Variants in SCHIP1 observed in about 807,000 individuals in gnomAD.
The protein encoded by SCHIP1 is schwannomin-interacting protein 1.
Under a neutral mutation model 29.7 loss-of-function variants are expected in SCHIP1, and 8 were observed. The ratio of observed to expected loss-of-function variants is 0.27; its 90% confidence interval spans 0.16 to 0.49. SCHIP1 has a LOEUF of 0.49. SCHIP1 is among the 20% of genes least tolerant of loss of function. The pLI, the probability that SCHIP1 is intolerant of heterozygous loss-of-function variation, is 0.99. For synonymous variants in SCHIP1, 76 were observed against 94.9 expected (o/e 0.80, Z 1.16); for missense variants, 193 against 294.6 (o/e 0.66, Z 2.52).
At chr3:159,423,055 T>C in the SCHIP1 span, among the ~76,000 whole-genome samples, 30 of 152,246 alleles carry the variant, frequency 2.0e-4, no homozygotes, top group African/African-American at 7.2e-4. Flanking sequence ...GAGTAAAGAA[T>C]ATGTCATGGC....
chr3:159,455,764 G>A, the SCHIP1 span, among the ~76,000 whole-genome samples: 2 of 152,216 alleles, frequency 1.3e-5, no homozygotes, highest in African/African-American at 2.4e-5. Flanking sequence ...AGGCAGGGTT[G>A]AGAGGCCAGG....
At chr3:159,780,970 G>A in the SCHIP1 span, among the ~76,000 whole-genome samples, 1 of 152,194 alleles carries the variant, frequency 6.6e-6, no homozygotes. Context: ...GTTATCAGCA[G>A]CTCCAGGAAT....
the SCHIP1 span, among the ~76,000 whole-genome samples, chr3:159,339,147 A>G: frequency 2.0e-5 from 3 of 151,992 alleles, no homozygotes; most frequent in Non-Finnish European, 4.4e-5. Flanking sequence ...GTGCATGGCT[A>G]TTCCATCAAA....
chr3:159,733,397 TAGA>T, the SCHIP1 span, among the ~76,000 whole-genome samples: 3 of 152,184 alleles, frequency 2.0e-5, no homozygotes, highest in Admixed American at 6.5e-5. Context: ...GGGTGTAGTA[TAGA>T]AGGAGAAACA....
chr3:159,741,148 G>A, the SCHIP1 span, among the ~76,000 whole-genome samples: 1 of 152,100 alleles, frequency 6.6e-6, no homozygotes, highest in Non-Finnish European at 1.5e-5. Context: ...ACACTCATTA[G>A]ATGTTCAATA....
At chr3:159,409,295 A>G in the SCHIP1 span, among the ~76,000 whole-genome samples, 3 of 151,830 alleles carry the variant, frequency 2.0e-5, no homozygotes, top group African/African-American at 7.2e-5. Context: ...TAGAGCAATC[A>G]GACAATAGAA....
chr3:159,658,279 A>G, the SCHIP1 span, among the ~76,000 whole-genome samples: 1 of 152,316 alleles, frequency 6.6e-6, no homozygotes, highest in East Asian at 1.9e-4. Flanking sequence ...TGACAGTATC[A>G]TGGAGTCACT....
the SCHIP1 span, among the ~76,000 whole-genome samples, chr3:159,511,107 G>A: frequency 6.6e-6 from 1 of 152,216 alleles, no homozygotes; most frequent in Admixed American, 6.5e-5. Context: ...GAGCTGTGGT[G>A]GGCTCCACCC....
At chr3:159,466,145 G>A in the SCHIP1 span, among the ~76,000 whole-genome samples, 4 of 152,068 alleles carry the variant, frequency 2.6e-5, no homozygotes, top group Non-Finnish European at 5.9e-5. Flanking sequence ...GTATCTTCAA[G>A]AAGATTACAA....
chr3:159,295,806 C>T, the SCHIP1 span, among the ~76,000 whole-genome samples: 1 of 152,120 alleles, frequency 6.6e-6, no homozygotes, highest in Non-Finnish European at 1.5e-5. Flanking sequence ...TTGATGTTGA[C>T]CTTTGTATTT....
chr3:159,484,016 G>C, the SCHIP1 span, among the ~76,000 whole-genome samples: 1 of 152,098 alleles, frequency 6.6e-6, no homozygotes, highest in African/African-American at 2.4e-5. Context: ...ATTTAAAAGA[G>C]GTATTTACAG....
chr3:159,675,694 A>G, the SCHIP1 span, among the ~76,000 whole-genome samples: 1 of 152,234 alleles, frequency 6.6e-6, no homozygotes, highest in African/African-American at 2.4e-5. Context: ...TTTTACTTTC[A>G]TAAAAATCCT....
At chr3:159,669,466 C>T in the SCHIP1 span, among the ~76,000 whole-genome samples, 2 of 152,292 alleles carry the variant, frequency 1.3e-5, no homozygotes, top group African/African-American at 2.4e-5. Flanking sequence ...AGATGGATAA[C>T]GGATGTGATG....
chr3:159,599,896 G>C, the SCHIP1 span, among the ~76,000 whole-genome samples: 1 of 151,902 alleles, frequency 6.6e-6, no homozygotes. Context: ...AGTTCTTGCA[G>C]GGTCAGTCTA....
the SCHIP1 span, among the ~76,000 whole-genome samples, chr3:159,729,009 C>T: frequency 6.6e-6 from 1 of 152,074 alleles, no homozygotes; most frequent in South Asian, 2.1e-4. Context: ...ATCATCTGGG[C>T]ATGGTGGTAC....
the SCHIP1 span, among the ~76,000 whole-genome samples, chr3:159,659,112 A>C: frequency 1.3e-5 from 2 of 152,240 alleles, no homozygotes; most frequent in Non-Finnish European, 2.9e-5. Context: ...CACATAGTAC[A>C]TACTTGAAAA....
chr3:159,486,938 AT>A, the SCHIP1 span, among the ~76,000 whole-genome samples: 1 of 152,224 alleles, frequency 6.6e-6, no homozygotes, highest in Non-Finnish European at 1.5e-5. Flanking sequence ...CTCAAATAAA[AT>A]TAGGATTCTA....
chr3:159,353,324 TAAAA>T, the SCHIP1 span, among the ~76,000 whole-genome samples: 1 of 150,646 alleles, frequency 6.6e-6, no homozygotes, highest in Non-Finnish European at 1.5e-5. Context: ...ATAATAAAAT[TAAAA>T]AAAAAGAGTT....
At chr3:159,807,858 T>C in the SCHIP1 span, among the ~76,000 whole-genome samples, 65 of 152,296 alleles carry the variant, frequency 4.3e-4, no homozygotes, top group African/African-American at 1.5e-3. Context: ...CCAATAACCC[T>C]GTAAGGCAGG....
Sources: allele counts gnomAD v4.1 joint callset (sites outside exome capture counted in the v4.1 genomes callset), GRCh38; gene constraint gnomAD v4.1.1; transcripts MANE v1.5; gene names NCBI Gene and HGNC (gene_info 2026-07-23, HGNC 2026-07-21).